GPHN: variants seen among roughly 807,000 people sequenced by gnomAD.
GPHN encodes gephyrin.
GPHN carries 17 observed loss-of-function variants against 95.5 expected under a neutral mutation model. That is an observed-to-expected ratio of 0.18 (90% CI 0.12 to 0.27). GPHN has a LOEUF of 0.27. Ranked by LOEUF, GPHN falls within the 10% of genes least tolerant of loss-of-function variation. GPHN has a pLI of 1.00. For missense variants in GPHN, 660 were observed against 978.1 expected (o/e 0.67, Z 4.34); for synonymous variants, 320 against 322.5 (o/e 0.99, Z 0.08).
chr14:67,545,077 A>C, the GPHN span, among the ~76,000 whole-genome samples: 1,629 of 152,320 alleles, frequency 0.011, 30 homozygotes, highest in African/African-American at 0.037. Flanking sequence ...AACCAGGCTG[A>C]TGTTTCTTTC....
At chr14:67,548,534 C>A in the GPHN span, among the ~76,000 whole-genome samples, 7 of 152,216 alleles carry the variant, frequency 4.6e-5, no homozygotes, top group Admixed American at 3.9e-4. Context: ...CCCGTCTCTA[C>A]TAAAAATACA....
the GPHN span, among the ~76,000 whole-genome samples, chr14:67,330,637 T>C: frequency 6.6e-6 from 1 of 152,018 alleles, no homozygotes; most frequent in Non-Finnish European, 1.5e-5. Flanking sequence ...TTTGTATTTT[T>C]AGTAGAGATG....
At chr14:67,543,287 C>T in the GPHN span, among the ~76,000 whole-genome samples, 1 of 152,308 alleles carries the variant, frequency 6.6e-6, no homozygotes, top group East Asian at 1.9e-4. Flanking sequence ...AGTGGCATCA[C>T]CATGGCTAAG....
chr14:66,723,986 TACACACAC>T (rs371629259), intron 2 of GPHN, among the ~76,000 whole-genome samples: 4 of 127,956 alleles, frequency 3.1e-5, no homozygotes, highest in Admixed American at 8.1e-5. Context: ...CATGCATACA[TACACACAC>T]ACACACACAC....
intron 4 of GPHN, among the ~76,000 whole-genome samples, chr14:66,861,775 G>T (rs2153521640): frequency 6.6e-6 from 1 of 152,012 alleles, no homozygotes; most frequent in Non-Finnish European, 1.5e-5. Context: ...TAAGGAAACT[G>T]AAAATTTTCT....
the GPHN span, chr14:67,645,805 C>A: frequency 1.9e-6 from 3 of 1,613,368 alleles, no homozygotes; most frequent in Non-Finnish European, 2.5e-6. Flanking sequence ...AGGATAAGGT[C>A]AGTGGGCCAA....
intron 2 of GPHN, among the ~76,000 whole-genome samples, chr14:66,741,733 C>G (rs2072810119): frequency 6.6e-6 from 1 of 152,114 alleles, no homozygotes; most frequent in Admixed American, 6.5e-5. Flanking sequence ...CTCTCAAGTC[C>G]TTTGTAGCTA....
intron 8 of GPHN, among the ~76,000 whole-genome samples, chr14:66,944,402 G>T (rs962259185): frequency 6.6e-6 from 1 of 152,174 alleles, no homozygotes; most frequent in Non-Finnish European, 1.5e-5. Flanking sequence ...TTGCTCCCAA[G>T]GACATAAAAC....
chr14:66,752,145 G>A (rs2058390131), intron 2 of GPHN, among the ~76,000 whole-genome samples: 1 of 152,094 alleles, frequency 6.6e-6, no homozygotes, highest in Admixed American at 6.6e-5. Flanking sequence ...TTAGGGCCTT[G>A]TTCTGAATTA....
At chr14:67,390,943 C>T in the GPHN span, among the ~76,000 whole-genome samples, 1 of 152,136 alleles carries the variant, frequency 6.6e-6, no homozygotes, top group Non-Finnish European at 1.5e-5. Flanking sequence ...CTCAGTGACA[C>T]TGTAGCAAAA....
intron 1 of GPHN, among the ~76,000 whole-genome samples, chr14:66,522,114 G>A (rs1253887221): frequency 1.3e-5 from 2 of 151,994 alleles, no homozygotes; most frequent in Admixed American, 6.6e-5. Context: ...TGATGTGAAG[G>A]GTGGTTAATT....
intron 4 of GPHN, among the ~76,000 whole-genome samples, chr14:66,850,925 CAT>C (rs1156867384): frequency 4.6e-5 from 7 of 151,756 alleles, no homozygotes; most frequent in African/African-American, 7.3e-5. Context: ...ATGATATTAA[CAT>C]ATAATAATGT....
At chr14:67,381,693 G>A in the GPHN span, 2 of 1,605,092 alleles carry the variant, frequency 1.2e-6, no homozygotes, top group Non-Finnish European at 1.7e-6. Context: ...CCATTAAGGT[G>A]AGTCATGAGT....
chr14:66,999,922 G>T (rs1302662701), intron 9 of GPHN, among the ~76,000 whole-genome samples: 3 of 151,658 alleles, frequency 2.0e-5, no homozygotes, highest in Non-Finnish European at 4.4e-5. Context: ...CATCCAAGTT[G>T]TCATGCTTTT....
chr14:66,898,629 A>G (rs2153546054), intron 5 of GPHN, among the ~76,000 whole-genome samples: 1 of 151,978 alleles, frequency 6.6e-6, no homozygotes, highest in South Asian at 2.1e-4. Flanking sequence ...AATCTTTATC[A>G]TTGTAGCTAA....
At chr14:67,626,758 CCACA>C in the GPHN span, among the ~76,000 whole-genome samples, 60 of 152,112 alleles carry the variant, frequency 3.9e-4, no homozygotes, top group Admixed American at 3.9e-3. Flanking sequence ...TTGCACCTGG[CCACA>C]CACAAACTTA....
At chr14:66,593,328 C>T (rs527857955) in intron 1 of GPHN, among the ~76,000 whole-genome samples, 12 of 151,694 alleles carry the variant, frequency 7.9e-5, no homozygotes, top group East Asian at 1.9e-4. Flanking sequence ...AACAACTGTC[C>T]GATACTGGGC....
chr14:66,972,281 A>G (rs200075506), intron 9 of GPHN, among the ~76,000 whole-genome samples: 1,793 of 127,254 alleles, frequency 0.014, 16 homozygotes, highest in Non-Finnish European at 0.018. Flanking sequence ...AAAAAAAAAA[A>G]AAAGAAAGAA....
At chr14:67,552,276 A>G in the GPHN span, among the ~76,000 whole-genome samples, 4 of 152,216 alleles carry the variant, frequency 2.6e-5, no homozygotes, top group Non-Finnish European at 5.9e-5. Context: ...GGAACAGCCA[A>G]ATAAGGGTTC....
Sources: gnomAD v4.1 joint callset for allele counts (sites outside exome capture counted in the v4.1 genomes callset) on GRCh38, gnomAD v4.1.1 for gene constraint, MANE v1.5 for transcripts, NCBI Gene and HGNC (gene_info 2026-07-23, HGNC 2026-07-21) for gene names.